The following TBC1D30 variants were observed in gnomAD, a reference collection of about 807,000 sequenced individuals.
TBC1D30 encodes the protein TBC1 domain family, member 30.
In TBC1D30, 31 loss-of-function variants were observed where a neutral mutation model predicts 63.2. That is an observed-to-expected ratio of 0.49 (90% CI 0.37 to 0.66). TBC1D30 has a LOEUF of 0.66. TBC1D30 is among the 30% of genes least tolerant of loss of function. The pLI, the probability that TBC1D30 is intolerant of heterozygous loss-of-function variation, is 0.00. For synonymous variants in TBC1D30, 307 were observed against 361.5 expected, an observed-to-expected ratio of 0.85 and a Z score of 1.71; for missense variants, 810 against 953.6, an observed-to-expected ratio of 0.85 and a Z score of 1.98.
At chr12:64,774,024 A>G (rs1204919388) in intron 1 of TBC1D30, among the ~76,000 whole-genome samples, 1 of 152,214 alleles carries the variant, frequency 6.6e-6, no homozygotes, top group Non-Finnish European at 1.5e-5. Flanking sequence ...TTGTAACCCA[A>G]TGGAAGGAAG....
In TBC1D30 at chr12:64,828,300, C is replaced by G. The variant is rs1366140948; in HGVS notation, c.217-144C>G. On this transcript the variant is annotated intron_variant, in intron 2 of 11. Coordinates refer to ENST00000539867, the MANE Select transcript of TBC1D30 (RefSeq NM_015279.2). Reference sequence around the variant, plus strand: ...AGTAATAGCCATGGACTGATCACTTCTGTCTGAAAGAAGCTTTGACTGTTT... The same window carrying G: ...AGTAATAGCCATGGACTGATCACTTGTGTCTGAAAGAAGCTTTGACTGTTT... 23 of 658,486 alleles carry G rather than the reference C, an allele frequency of 3.5e-5. No homozygotes were observed. The South Asian group carries it at 3.8e-4, about 11-fold the overall frequency. 40.8% of individuals were successfully genotyped at this position (658,486 alleles called of 1,614,324 possible).
chr12:64,859,676 G>C (rs1159178828), intron 8 of TBC1D30, among the ~76,000 whole-genome samples: 3 of 152,192 alleles, frequency 2.0e-5, no homozygotes, highest in Non-Finnish European at 4.4e-5. Flanking sequence ...AGAAGGAAGA[G>C]GGCAAGTTTC....
At chr12:64,863,756 A>G (rs1877984869) in intron 8 of TBC1D30, among the ~76,000 whole-genome samples, 2 of 152,242 alleles carry the variant, frequency 1.3e-5, no homozygotes, top group African/African-American at 2.4e-5. Context: ...CTTTTGGCAC[A>G]TGCCAAATTA....
chr12:64,858,648 C>T (rs1877515306), intron 8 of TBC1D30, among the ~76,000 whole-genome samples: 1 of 152,242 alleles, frequency 6.6e-6, no homozygotes, highest in Non-Finnish European at 1.5e-5. Context: ...TTTCCTTGCT[C>T]TACACTAAGT....
intron 2 of TBC1D30, among the ~76,000 whole-genome samples, chr12:64,805,915 A>G (rs1872841361): frequency 6.6e-6 from 1 of 152,222 alleles, no homozygotes; most frequent in Non-Finnish European, 1.5e-5. Context: ...TTAATCCTAT[A>G]TCAGAAAACA....
chr12:64,813,172 T>C (rs987017031), intron 2 of TBC1D30, among the ~76,000 whole-genome samples: 2 of 152,112 alleles, frequency 1.3e-5, no homozygotes, highest in Non-Finnish European at 2.9e-5. Flanking sequence ...GGCAGCTCAC[T>C]TGAGCCCAGG....
At chr12:64,813,425 C>T (rs1248635400) in intron 2 of TBC1D30, among the ~76,000 whole-genome samples, 2 of 152,004 alleles carry the variant, frequency 1.3e-5, no homozygotes, top group East Asian at 1.9e-4. Context: ...AAAGAAAACC[C>T]CTATGAAATA....
chr12:64,843,054 C>G (rs1016052774), intron 7 of TBC1D30, among the ~76,000 whole-genome samples: 2 of 152,206 alleles, frequency 1.3e-5, no homozygotes, highest in African/African-American at 2.4e-5. Context: ...GTTATCCAGG[C>G]TGGATTGCAG....
chr12:64,763,479 T>C (rs1870592614), intron 1 of TBC1D30, among the ~76,000 whole-genome samples: 1 of 152,202 alleles, frequency 6.6e-6, no homozygotes. Flanking sequence ...ATGATTATTC[T>C]CTTCCTCTTA....
At chr12:64,761,537 G>T (rs552311480) in intron 1 of TBC1D30, among the ~76,000 whole-genome samples, 2 of 152,114 alleles carry the variant, frequency 1.3e-5, no homozygotes, top group Non-Finnish European at 2.9e-5. Context: ...TAAAGAAGCC[G>T]ACTAAAACCC....
At chr12:64,873,807 A>C (rs1417918709) in intron 11 of TBC1D30, among the ~76,000 whole-genome samples, 1 of 152,174 alleles carries the variant, frequency 6.6e-6, no homozygotes, top group African/African-American at 2.4e-5. Context: ...GAATGTGGTG[A>C]AGAGGAGACA....
At chr12:64,818,907 C>A (rs1873716159) in intron 2 of TBC1D30, 1 of 152,056 alleles carries the variant, frequency 6.6e-6, no homozygotes, top group African/African-American at 2.4e-5. Context: ...CAATCTAGCT[C>A]AAGTAGTAGT....
intron 1 of TBC1D30, among the ~76,000 whole-genome samples, chr12:64,773,339 C>G (rs1406657243): frequency 6.6e-6 from 1 of 152,138 alleles, no homozygotes; most frequent in Non-Finnish European, 1.5e-5. Context: ...TGAAAACTTC[C>G]TAGGACAAAG....
chr12:64,836,112 AC>A (rs1283188020), intron 5 of TBC1D30, among the ~76,000 whole-genome samples: 2 of 152,102 alleles, frequency 1.3e-5, no homozygotes, highest in Non-Finnish European at 2.9e-5. Flanking sequence ...AGGTTGTAAA[AC>A]TGTGCTGACA....
intron 2 of TBC1D30, among the ~76,000 whole-genome samples, chr12:64,795,872 T>C (rs1004067236): frequency 1.3e-5 from 2 of 152,046 alleles, no homozygotes; most frequent in Non-Finnish European, 2.9e-5. Flanking sequence ...AACTCATTTC[T>C]TTTGAGAGAC....
intron 2 of TBC1D30, among the ~76,000 whole-genome samples, chr12:64,797,649 CTCTT>C (rs796699017): frequency 9.8e-5 from 15 of 152,340 alleles, no homozygotes; most frequent in African/African-American, 3.6e-4. Context: ...TACTCTCTCT[CTCTT>C]TCCCTTTTTA....
At position 64,824,969 on chromosome 12, in the gene TBC1D30, T is replaced by G. The variant is rs902988018; in HGVS notation, c.90T>G (p.Asn30Lys). 6.5e-7 allele frequency: 1 copy of G among 1,534,704 alleles called. No individual in the cohort carries two copies. The highest frequency in any genetic ancestry group is 8.7e-7 in the Non-Finnish European group (1 of 1,146,566). Residue 30 changes from asparagine (N) to lysine (K), a missense_variant, in exon 1 of 12, where the codon AAT (asparagine) becomes AAG (lysine). Transcript: ENST00000539867. ...QGGGVGTILS[N>K]VLKKRSCISR... ...GCGGCGTGGGCACCATCCTGAGCAA[T>G]GTGCTCAAGAAGCGCAGCTGCATTT... is the stretch of plus-strand genomic sequence containing the variant.
rs1446954434 is a variant in TBC1D30 at position 64,875,668 on chromosome 12, T to C, written c.2166T>C (p.Ala722=). The change falls in exon 12 of 12, where the codon GCT becomes GCC. Residue 722 remains alanine (A), a synonymous_variant. Coordinates refer to ENST00000539867, the MANE Select transcript of TBC1D30 (RefSeq NM_015279.2). The part of the protein sequence containing the change: ...FPSVKPLRKS[A]TARNLGLYGP... ...GCGTCAAGCCCCTGCGGAAATCTGC[T>C]ACTGCCAGGAACTTGGGATTATATG... 6.5e-7 allele frequency: 1 copy of C among 1,536,420 alleles called. No individual in the cohort carries two copies.
intron 7 of TBC1D30, among the ~76,000 whole-genome samples, chr12:64,840,004 C>CA (rs60440376): frequency 0.12 from 11,913 of 97,914 alleles, 896 homozygotes; most frequent in Non-Finnish European, 0.17. Context: ...GACTCTGTCT[C>CA]AAAAAAAAAA....
Sources: gnomAD v4.1 joint callset for allele counts (sites outside exome capture counted in the v4.1 genomes callset) on GRCh38, gnomAD v4.1.1 for gene constraint, MANE v1.5 for transcripts, NCBI Gene and HGNC (gene_info 2026-07-23, HGNC 2026-07-21) for gene names.